THRB: variants seen among roughly 807,000 people sequenced by gnomAD.
The protein encoded by THRB is nuclear receptor subfamily 1 group A member 2.
In THRB, 12 loss-of-function variants were observed where a neutral mutation model predicts 47.8. The observed-to-expected ratio is 0.25, with a 90% CI of 0.16 to 0.41. The LOEUF (loss-of-function observed/expected upper bound fraction) is 0.41. Ranked by LOEUF, THRB falls within the 10% of genes least tolerant of loss-of-function variation. The probability of loss-of-function intolerance (pLI) is 1.00; values close to 1 mark genes in which losing one functional copy is unlikely to be tolerated. For synonymous variants in THRB, 218 were observed against 212.2 expected (o/e 1.03, Z -0.24); for missense variants, 348 against 589.2 (o/e 0.59, Z 4.24).
intron 3 of THRB, among the ~76,000 whole-genome samples, chr3:24,285,934 G>A (rs997448157): frequency 1.4e-4 from 22 of 152,320 alleles, no homozygotes; most frequent in African/African-American, 5.1e-4. Flanking sequence ...GGTATTTGGA[G>A]GTAGGGCCTC....
intron 4 of THRB, among the ~76,000 whole-genome samples, chr3:24,216,681 C>T (rs2149937189): frequency 6.6e-6 from 1 of 152,170 alleles, no homozygotes; most frequent in Non-Finnish European, 1.5e-5. Flanking sequence ...AAGGCAAGAA[C>T]TCTTGCTCAG....
chr3:24,360,829 C>T (rs965243978), intron 1 of THRB, among the ~76,000 whole-genome samples: 1 of 152,096 alleles, frequency 6.6e-6, no homozygotes, highest in Non-Finnish European at 1.5e-5. Context: ...TACAGAGTGG[C>T]GGTTTCTTGC....
At chr3:24,379,277 A>T (rs2065519873) in intron 1 of THRB, among the ~76,000 whole-genome samples, 1 of 152,130 alleles carries the variant, frequency 6.6e-6, no homozygotes, top group African/African-American at 2.4e-5. Flanking sequence ...TTCTCACAAC[A>T]TATCAAGCAA....
chr3:24,267,068 G>T (rs1464619471), intron 3 of THRB, among the ~76,000 whole-genome samples: 3 of 151,966 alleles, frequency 2.0e-5, no homozygotes, highest in African/African-American at 7.2e-5. Flanking sequence ...GATTATAAAA[G>T]AACAGAATAA....
rs541076804 is a variant in THRB, at chr3:24,208,505, A to G, written c.23-18171T>C. ...GGTACTGGTACCAAAACAGAGATAT[A>G]GACCAATGGAACAGAACAGAGCCCT... On this transcript the variant is annotated intron_variant, in intron 4 of 10. Transcript: ENST00000646209. Among the ~76,000 whole-genome samples, 14 of 152,340 alleles carry G rather than the reference A, an allele frequency of 9.2e-5. No individual in the cohort carries two copies. In the East Asian group the frequency reaches 2.5e-3, roughly 27 times the overall value.
intron 2 of THRB, among the ~76,000 whole-genome samples, chr3:24,314,341 C>G (rs1206919352): frequency 2.0e-5 from 3 of 152,184 alleles, no homozygotes; most frequent in Admixed American, 6.5e-5. Flanking sequence ...CAGCAATAAC[C>G]AAACTATTTG....
At chr3:24,341,651 A>G (rs2062664400) in intron 1 of THRB, among the ~76,000 whole-genome samples, 2 of 152,268 alleles carry the variant, frequency 1.3e-5, no homozygotes, top group South Asian at 4.2e-4. Context: ...TGAAGAGGTT[A>G]AGTCTATTCT....
chr3:24,193,404 AGTTTGAGATCCACAGG>A (rs2149639570), intron 4 of THRB, among the ~76,000 whole-genome samples: 1 of 152,316 alleles, frequency 6.6e-6, no homozygotes, highest in South Asian at 2.1e-4. Context: ...TACCCAACAG[AGTTTGAGATCCACAGG>A]GTTAAGATAA....
chr3:24,303,295 G>C (rs1004570936), intron 2 of THRB, among the ~76,000 whole-genome samples: 1 of 152,204 alleles, frequency 6.6e-6, no homozygotes, highest in South Asian at 2.1e-4. Flanking sequence ...GGCTTAGTGA[G>C]GTGAGTGTTT....
At chr3:24,470,580 C>T (rs1237855136) in intron 1 of THRB, among the ~76,000 whole-genome samples, 1 of 152,174 alleles carries the variant, frequency 6.6e-6, no homozygotes, top group African/African-American at 2.4e-5. Context: ...AAAAGGATGG[C>T]AGAACTGTGA....
At chr3:24,353,831 A>G (rs1290239073) in intron 1 of THRB, among the ~76,000 whole-genome samples, 1 of 152,192 alleles carries the variant, frequency 6.6e-6, no homozygotes, top group Non-Finnish European at 1.5e-5. Flanking sequence ...ACATATGCAT[A>G]GCAAATTTTA....
intron 1 of THRB, among the ~76,000 whole-genome samples, chr3:24,406,476 G>A (rs369036489): frequency 3.0e-4 from 46 of 151,668 alleles, no homozygotes; most frequent in South Asian, 1.9e-3. Context: ...TTAAGAATCC[G>A]CTCTTGTGGT....
intron 1 of THRB, among the ~76,000 whole-genome samples, chr3:24,389,899 C>A (rs1414922952): frequency 6.6e-6 from 1 of 152,114 alleles, no homozygotes; most frequent in Non-Finnish European, 1.5e-5. Flanking sequence ...TAAATGTCCA[C>A]AAGAGATGCA....
intron 1 of THRB, among the ~76,000 whole-genome samples, chr3:24,396,144 C>A (rs981812595): frequency 3.3e-5 from 5 of 151,856 alleles, no homozygotes; most frequent in Admixed American, 3.3e-4. Flanking sequence ...AATTGTATCT[C>A]CACAAGGCAT....
At chr3:24,437,127 A>G (rs1276136413) in intron 1 of THRB, among the ~76,000 whole-genome samples, 1 of 145,748 alleles carries the variant, frequency 6.9e-6, no homozygotes, top group Non-Finnish European at 1.5e-5. Flanking sequence ...CATATAATGA[A>G]ATATTATTAT....
At chr3:24,355,407 T>C (rs933983589) in intron 1 of THRB, among the ~76,000 whole-genome samples, 29 of 152,238 alleles carry the variant, frequency 1.9e-4, no homozygotes, top group African/African-American at 6.3e-4. Flanking sequence ...TGGATCCTAA[T>C]TGGGAAAAAG....
At chr3:24,272,145 C>A (rs1417486773) in intron 3 of THRB, among the ~76,000 whole-genome samples, 1 of 152,030 alleles carries the variant, frequency 6.6e-6, no homozygotes, top group Non-Finnish European at 1.5e-5. Context: ...AGTTCAAGAC[C>A]AGCCTGGGCA....
chr3:24,429,961 G>T (rs1197242358), intron 1 of THRB: 1 of 151,854 alleles, frequency 6.6e-6, no homozygotes, highest in African/African-American at 2.4e-5. Context: ...TGGTGGCAAA[G>T]TTGAAAAAAA....
At chr3:24,441,306 G>T (rs1159726771) in intron 1 of THRB, among the ~76,000 whole-genome samples, 3 of 152,188 alleles carry the variant, frequency 2.0e-5, no homozygotes, top group Non-Finnish European at 4.4e-5. Flanking sequence ...AGCAAAGAGA[G>T]GAGATTAGAG....
Sources: gnomAD v4.1 joint callset for allele counts (sites outside exome capture counted in the v4.1 genomes callset) on GRCh38, gnomAD v4.1.1 for gene constraint, MANE v1.5 for transcripts, NCBI Gene and HGNC (gene_info 2026-07-23, HGNC 2026-07-21) for gene names.